Variants in VTI1A observed in about 807,000 individuals in gnomAD.
VTI1A encodes the protein vesicle transport through interaction with t-SNAREs homolog 1A.
Under a neutral mutation model 34.9 loss-of-function variants are expected in VTI1A, and 22 were observed. That is an observed-to-expected ratio of 0.63 (90% CI 0.45 to 0.90). The LOEUF is 0.90. VTI1A is among the 40% of genes least tolerant of loss of function. The pLI, the probability that VTI1A is intolerant of heterozygous loss-of-function variation, is 0.00. For missense variants in VTI1A, 268 were observed against 275.6 expected (o/e 0.97, Z 0.20); for synonymous variants, 87 against 97.3 (o/e 0.89, Z 0.62).
chr10:112,835,651 G>C, the VTI1A span, among the ~76,000 whole-genome samples: 1 of 152,050 alleles, frequency 6.6e-6, no homozygotes, highest in Non-Finnish European at 1.5e-5. Flanking sequence ...AGGTTTCTTT[G>C]TTATTATCTG....
At chr10:112,552,205 C>T (rs1327038580) in intron 5 of VTI1A, among the ~76,000 whole-genome samples, 3 of 152,178 alleles carry the variant, frequency 2.0e-5, no homozygotes, top group African/African-American at 7.2e-5. Flanking sequence ...ATTACCTTAT[C>T]TGAAATGGAA....
At chr10:112,566,186 A>C (rs897528758) in intron 5 of VTI1A, among the ~76,000 whole-genome samples, 6 of 152,078 alleles carry the variant, frequency 3.9e-5, no homozygotes, top group African/African-American at 1.4e-4. Flanking sequence ...ACTTCAATGA[A>C]TCTAAGTAAG....
At chr10:112,629,631 A>G (rs1435822049) in intron 5 of VTI1A, among the ~76,000 whole-genome samples, 1 of 152,250 alleles carries the variant, frequency 6.6e-6, no homozygotes, top group Non-Finnish European at 1.5e-5. Flanking sequence ...CGCAGAAGTT[A>G]TTTTAAAATG....
At chr10:112,496,185 A>ACCCCCCCC (rs66554158) in intron 3 of VTI1A, among the ~76,000 whole-genome samples, 201 of 27,812 alleles carry the variant, frequency 7.2e-3, no homozygotes, top group African/African-American at 8.2e-3. Context: ...AAATGGGGAG[A>ACCCCCCCC]CCCCCCCCCC....
chr10:112,739,842 T>A (rs1230092585), intron 7 of VTI1A, among the ~76,000 whole-genome samples: 3 of 152,236 alleles, frequency 2.0e-5, no homozygotes, highest in African/African-American at 7.2e-5. Flanking sequence ...ATCTTTCTTG[T>A]TGCTGGGGCC....
intron 7 of VTI1A, among the ~76,000 whole-genome samples, chr10:112,769,880 C>A (rs191092971): frequency 1.3e-5 from 2 of 152,178 alleles, no homozygotes; most frequent in Non-Finnish European, 2.9e-5. Flanking sequence ...GTGAGTGAAA[C>A]AGGCCAGGAG....
chr10:112,813,318 T>C (rs923819101), intron 7 of VTI1A, among the ~76,000 whole-genome samples: 2 of 152,242 alleles, frequency 1.3e-5, no homozygotes, highest in African/African-American at 4.8e-5. Context: ...CATGGATGCC[T>C]TGGGGCCCTC....
At chr10:112,598,269 A>T (rs1031713361) in intron 5 of VTI1A, among the ~76,000 whole-genome samples, 2 of 152,166 alleles carry the variant, frequency 1.3e-5, no homozygotes, top group African/African-American at 4.8e-5. Context: ...GTCTCTAATT[A>T]TCTAAAGCGT....
intron 7 of VTI1A, among the ~76,000 whole-genome samples, chr10:112,677,324 C>G (rs138541461): frequency 6.6e-6 from 1 of 152,310 alleles, no homozygotes; most frequent in East Asian, 1.9e-4. Context: ...GCCTTCTTCA[C>G]TCTCCCAGCC....
chr10:112,692,387 G>A (rs749213195), intron 7 of VTI1A, among the ~76,000 whole-genome samples: 3 of 152,214 alleles, frequency 2.0e-5, no homozygotes, highest in African/African-American at 4.8e-5. Context: ...CCATGTCAGT[G>A]TCTTTCCCCT....
intron 7 of VTI1A, among the ~76,000 whole-genome samples, chr10:112,703,510 G>C (rs1849083484): frequency 6.6e-6 from 1 of 151,974 alleles, no homozygotes. Flanking sequence ...AGGTTGCGGT[G>C]AGCCGAGATC....
intron 1 of VTI1A, 126 bp downstream of exon 1, chr10:112,447,593 A>C: frequency 9.0e-7 from 1 of 1,105,540 alleles, no homozygotes. Context: ...GGCTGTTCCC[A>C]GGAGGGATAC....
At chr10:112,673,468 G>GCT (rs1554938762) in intron 7 of VTI1A, among the ~76,000 whole-genome samples, 2 of 151,562 alleles carry the variant, frequency 1.3e-5, no homozygotes, top group Non-Finnish European at 2.9e-5. Flanking sequence ...GCGTGCGCGC[G>GCT]CACACACACA....
chr10:112,474,348 C>T (rs1021385230), intron 3 of VTI1A, among the ~76,000 whole-genome samples: 4 of 149,932 alleles, frequency 2.7e-5, no homozygotes, highest in Admixed American at 6.6e-5. Context: ...CCACCACGCC[C>T]GGCAACTATG....
At chr10:112,710,700 G>A (rs1292520888) in intron 7 of VTI1A, among the ~76,000 whole-genome samples, 1 of 152,054 alleles carries the variant, frequency 6.6e-6, no homozygotes, top group African/African-American at 2.4e-5. Context: ...TTTTTCCCGG[G>A]TCAGTAGCAT....
chr10:112,518,918 G>A (rs1388869744), intron 3 of VTI1A, among the ~76,000 whole-genome samples: 2 of 151,832 alleles, frequency 1.3e-5, no homozygotes, highest in Non-Finnish European at 2.9e-5. Flanking sequence ...ATTATATTTT[G>A]TTTTGGGTCA....
chr10:112,566,357 T>G (rs189385881), intron 5 of VTI1A, among the ~76,000 whole-genome samples: 1 of 152,222 alleles, frequency 6.6e-6, no homozygotes, highest in African/African-American at 2.4e-5. Context: ...TAACATCAAC[T>G]GCATTGCATT....
the VTI1A span, among the ~76,000 whole-genome samples, chr10:112,852,881 C>T: frequency 6.6e-6 from 1 of 152,160 alleles, no homozygotes; most frequent in African/African-American, 2.4e-5. Context: ...CAGGTTCAAG[C>T]AATTCCTCTG....
chr10:112,543,022 G>A (rs1266906579), intron 5 of VTI1A, among the ~76,000 whole-genome samples: 1 of 152,108 alleles, frequency 6.6e-6, no homozygotes, highest in East Asian at 1.9e-4. Context: ...CTTTTTTATG[G>A]CTGCATAGTA....
Sources: gnomAD v4.1 joint callset for allele counts (sites outside exome capture counted in the v4.1 genomes callset) on GRCh38, gnomAD v4.1.1 for gene constraint, MANE v1.5 for transcripts, NCBI Gene and HGNC (gene_info 2026-07-23, HGNC 2026-07-21) for gene names.